NALCN: variants seen among roughly 807,000 people sequenced by gnomAD.
NALCN encodes sodium leak channel, non-selective.
A neutral mutation model predicts 225.3 loss-of-function variants in NALCN; 111 were observed. The observed-to-expected ratio is 0.49, with a 90% CI of 0.42 to 0.58. The LOEUF (loss-of-function observed/expected upper bound fraction) is 0.58. Among genes scored for constraint, NALCN ranks in the 20% least tolerant of loss-of-function variants. The pLI is 0.00. For missense variants in NALCN, 1,378 were observed against 2,202.4 expected (o/e 0.63, Z 7.49); for synonymous variants, 764 against 769.0 (o/e 0.99, Z 0.11).
intron 15 of NALCN, among the ~76,000 whole-genome samples, chr13:101,158,758 C>T (rs2038025688): frequency 6.6e-6 from 1 of 152,192 alleles, no homozygotes; most frequent in African/African-American, 2.4e-5. Context: ...TTGACTGGTA[C>T]TCCTCACTCC....
At chr13:101,383,787 T>C (rs1255894781) in intron 3 of NALCN, among the ~76,000 whole-genome samples, 1 of 152,238 alleles carries the variant, frequency 6.6e-6, no homozygotes, top group Non-Finnish European at 1.5e-5. Flanking sequence ...GGATACTTCC[T>C]GGATTAGCAT....
intron 42 of NALCN, among the ~76,000 whole-genome samples, chr13:101,059,452 A>G (rs2031649211): frequency 6.6e-6 from 1 of 152,208 alleles, no homozygotes; most frequent in South Asian, 2.1e-4. Flanking sequence ...TATTTAGGGC[A>G]GAGCTTCCTG....
At chr13:101,251,453 T>C (rs1372391714) in intron 11 of NALCN, among the ~76,000 whole-genome samples, 4 of 152,150 alleles carry the variant, frequency 2.6e-5, no homozygotes, top group Non-Finnish European at 5.9e-5. Context: ...ACTAATGATG[T>C]TTTATTTCTG....
At chr13:101,304,522 T>TCTC (rs2044086268) in intron 7 of NALCN, among the ~76,000 whole-genome samples, 1 of 149,190 alleles carries the variant, frequency 6.7e-6, no homozygotes, top group Non-Finnish European at 1.5e-5. Flanking sequence ...AGTGGTGCCA[T>TCTC]CTCGGCTCAC....
chr13:101,385,580 C>T (rs1398842610), intron 3 of NALCN, among the ~76,000 whole-genome samples: 1 of 152,210 alleles, frequency 6.6e-6, no homozygotes, highest in African/African-American at 2.4e-5. Flanking sequence ...CCAATGGAGA[C>T]ATTAAAGTTG....
At chr13:101,406,603 T>G (rs2047633926) in intron 1 of NALCN, among the ~76,000 whole-genome samples, 1 of 152,212 alleles carries the variant, frequency 6.6e-6, no homozygotes, top group Non-Finnish European at 1.5e-5. Context: ...ATTGAATCCA[T>G]TTTTATTATC....
At chr13:101,307,620 G>A (rs1210196987) in intron 7 of NALCN, among the ~76,000 whole-genome samples, 1 of 152,080 alleles carries the variant, frequency 6.6e-6, no homozygotes, top group Non-Finnish European at 1.5e-5. Context: ...ATTCCTGTCT[G>A]GTATACTTTG....
chr13:101,157,690 T>C (rs976674842), intron 15 of NALCN, among the ~76,000 whole-genome samples: 1 of 152,128 alleles, frequency 6.6e-6, no homozygotes, highest in African/African-American at 2.4e-5. Flanking sequence ...ACCTCCCTTC[T>C]TCCTCACCCC....
intron 15 of NALCN, among the ~76,000 whole-genome samples, chr13:101,174,280 C>T (rs1366765174): frequency 6.6e-6 from 1 of 151,948 alleles, no homozygotes; most frequent in Non-Finnish European, 1.5e-5. Context: ...GCCCAAATAC[C>T]CAGAGTATAT....
At chr13:101,140,163 G>C (rs2036998691) in intron 17 of NALCN, among the ~76,000 whole-genome samples, 1 of 152,134 alleles carries the variant, frequency 6.6e-6, no homozygotes, top group South Asian at 2.1e-4. Flanking sequence ...GTATGTTTTT[G>C]ACATTCCACT....
chr13:101,151,418 AAAC>A (rs1224524235), intron 15 of NALCN, among the ~76,000 whole-genome samples: 1 of 152,256 alleles, frequency 6.6e-6, no homozygotes, highest in African/African-American at 2.4e-5. Flanking sequence ...TCCCAAAAGA[AAAC>A]AATTTAAAAA....
chr13:101,236,105 C>T (rs1017592171), intron 12 of NALCN, among the ~76,000 whole-genome samples: 1 of 152,014 alleles, frequency 6.6e-6, no homozygotes. Flanking sequence ...ATGCGAAGGA[C>T]ATGAACAGAC....
At chr13:101,363,723 A>G (rs1053300130) in intron 6 of NALCN, among the ~76,000 whole-genome samples, 2 of 152,132 alleles carry the variant, frequency 1.3e-5, no homozygotes, top group Non-Finnish European at 2.9e-5. Context: ...TAAAGCAAAA[A>G]TAGATAAATG....
chr13:101,189,809 T>C (rs1457994968), intron 14 of NALCN, among the ~76,000 whole-genome samples: 3 of 152,200 alleles, frequency 2.0e-5, no homozygotes, highest in Admixed American at 1.3e-4. Context: ...ATAAAAAAGT[T>C]AGAACAGATG....
chr13:101,369,414 CAAAT>C (rs1333382132), intron 6 of NALCN, among the ~76,000 whole-genome samples: 4 of 152,020 alleles, frequency 2.6e-5, no homozygotes, highest in Non-Finnish European at 5.9e-5. Flanking sequence ...TTCTTGGTAC[CAAAT>C]ACAGCGTGGA....
At chr13:101,396,482 A>C (rs1365843064) in intron 2 of NALCN, among the ~76,000 whole-genome samples, 1 of 152,166 alleles carries the variant, frequency 6.6e-6, no homozygotes, top group East Asian at 1.9e-4. Flanking sequence ...GCAAATACTC[A>C]AGATGAAAAA....
At chr13:101,240,220 A>G (rs2041707126) in intron 11 of NALCN, among the ~76,000 whole-genome samples, 1 of 152,078 alleles carries the variant, frequency 6.6e-6, no homozygotes, top group Non-Finnish European at 1.5e-5. Flanking sequence ...TAGAACTTTA[A>G]GAAGATTAAT....
chr13:101,244,321 A>G (rs1487877440), intron 11 of NALCN, among the ~76,000 whole-genome samples: 4 of 152,242 alleles, frequency 2.6e-5, no homozygotes, highest in Non-Finnish European at 5.9e-5. Flanking sequence ...AAAAGGACAG[A>G]TGGAATGAAC....
In NALCN at chr13:101,416,470, C is replaced by G. The variant is rs1275124560; in HGVS notation, c.-197G>C. ...CTCAGCTCAGGCAGCGCGCTCGGCC[C>G]GGCTGGGGCCGCGGCTCACGCTCGC... On this transcript the variant is annotated 5_prime_UTR_variant, in exon 1 of 44. Coordinates refer to ENST00000251127, the MANE Select transcript of NALCN (RefSeq NM_052867.4). The G allele has an allele frequency of 1.3e-5, 2 of 151,624 alleles. No individual in the cohort carries two copies. The highest frequency in any genetic ancestry group is 1.5e-5 in the Non-Finnish European group (1 of 67,858). The allele number at this position is 151,624 out of a possible 1,614,324, so 9.4% of individuals were successfully genotyped here.
Sources: gnomAD v4.1 joint callset for allele counts (sites outside exome capture counted in the v4.1 genomes callset) on GRCh38, gnomAD v4.1.1 for gene constraint, MANE v1.5 for transcripts, NCBI Gene and HGNC (gene_info 2026-07-23, HGNC 2026-07-21) for gene names.